Variants in RAP1GDS1 observed in about 807,000 individuals in gnomAD.
RAP1GDS1 encodes the protein RAP1, GTP-GDP dissociation stimulator 1.
In RAP1GDS1, 35 loss-of-function variants were observed where a neutral mutation model predicts 71.1. That is an observed-to-expected ratio of 0.49 (90% confidence interval 0.38 to 0.65). The LOEUF is 0.65. RAP1GDS1 is among the 30% of genes least tolerant of loss of function. The pLI, the probability that RAP1GDS1 is intolerant of heterozygous loss-of-function variation, is 0.00. For synonymous variants in RAP1GDS1, 229 were observed against 243.1 expected (o/e 0.94, Z 0.54); for missense variants, 663 against 706.1 (o/e 0.94, Z 0.69).
chr4:98,412,790 C>A (rs1464062218), intron 7 of RAP1GDS1, among the ~76,000 whole-genome samples: 1 of 152,022 alleles, frequency 6.6e-6, no homozygotes. Flanking sequence ...ATCGGTAGGT[C>A]CGTGATGTCC....
At chr4:98,265,932 C>T (rs1722664900) in intron 1 of RAP1GDS1, among the ~76,000 whole-genome samples, 2 of 151,986 alleles carry the variant, frequency 1.3e-5, no homozygotes, top group African/African-American at 4.8e-5. Flanking sequence ...ATATGGAGGT[C>T]AGTTGTAAAG....
At chr4:98,338,346 G>A (rs1040344034) in intron 2 of RAP1GDS1, among the ~76,000 whole-genome samples, 14 of 152,122 alleles carry the variant, frequency 9.2e-5, no homozygotes, top group Non-Finnish European at 1.6e-4. Context: ...ATACCCAAGT[G>A]CAAATGCTTT....
intron 1 of RAP1GDS1, among the ~76,000 whole-genome samples, chr4:98,283,855 T>C (rs141791713): frequency 9.6e-4 from 144 of 150,002 alleles, no homozygotes; most frequent in Middle Eastern, 3.5e-3. Flanking sequence ...CTAATTCAGA[T>C]ACATAGACAG....
intron 2 of RAP1GDS1, among the ~76,000 whole-genome samples, chr4:98,325,747 G>A (rs1353907033): frequency 1.5e-5 from 2 of 130,880 alleles, no homozygotes; most frequent in Admixed American, 1.8e-4. Context: ...ACAGGAAGGG[G>A]AATATCACAC....
chr4:98,272,151 A>C (rs1723551452), intron 1 of RAP1GDS1, among the ~76,000 whole-genome samples: 1 of 152,218 alleles, frequency 6.6e-6, no homozygotes, highest in Non-Finnish European at 1.5e-5. Flanking sequence ...ATGAGGCGGA[A>C]TCAAAGATAC....
intron 2 of RAP1GDS1, among the ~76,000 whole-genome samples, chr4:98,332,209 A>G (rs564925047): frequency 1.3e-5 from 2 of 152,356 alleles, no homozygotes; most frequent in South Asian, 4.1e-4. Flanking sequence ...GTCTAAGGTT[A>G]TGACTCTACA....
At chr4:98,317,360 C>T (rs1731090509) in intron 2 of RAP1GDS1, among the ~76,000 whole-genome samples, 1 of 152,176 alleles carries the variant, frequency 6.6e-6, no homozygotes, top group Non-Finnish European at 1.5e-5. Flanking sequence ...TTTCCGCACT[C>T]ATGTTAGGCT....
At chr4:98,314,338 T>A (rs1730657524) in intron 2 of RAP1GDS1, among the ~76,000 whole-genome samples, 1 of 152,182 alleles carries the variant, frequency 6.6e-6, no homozygotes, top group South Asian at 2.1e-4. Context: ...AAAACTTCGT[T>A]CTTAACTTCA....
At chr4:98,286,558 A>G (rs917922984) in intron 1 of RAP1GDS1, among the ~76,000 whole-genome samples, 1 of 152,144 alleles carries the variant, frequency 6.6e-6, no homozygotes, top group African/African-American at 2.4e-5. Context: ...GAGTGTTTCT[A>G]TTTCAGACTA....
At chr4:98,310,464 T>C (rs1163007706) in intron 2 of RAP1GDS1, among the ~76,000 whole-genome samples, 1 of 152,118 alleles carries the variant, frequency 6.6e-6, no homozygotes, top group Non-Finnish European at 1.5e-5. Context: ...GGAATAATCA[T>C]AAAATAATGA....
At chr4:98,335,859 T>C (rs1055015839) in intron 2 of RAP1GDS1, among the ~76,000 whole-genome samples, 1 of 151,892 alleles carries the variant, frequency 6.6e-6, no homozygotes, top group African/African-American at 2.4e-5. Flanking sequence ...GAGTAAATTT[T>C]ATATCATACT....
chr4:98,300,132 A>G (rs559581844), intron 2 of RAP1GDS1, among the ~76,000 whole-genome samples: 79 of 152,304 alleles, frequency 5.2e-4, no homozygotes, highest in African/African-American at 1.9e-3. Context: ...GGAAGAGTCA[A>G]TCAGGATGAT....
At chr4:98,363,158 C>T (rs1477179908) in intron 4 of RAP1GDS1, among the ~76,000 whole-genome samples, 1 of 151,780 alleles carries the variant, frequency 6.6e-6, no homozygotes, top group African/African-American at 2.4e-5. Context: ...TGAGAATGAG[C>T]CAGCTAAGAG....
At chr4:98,340,209 C>T (rs991054653) in intron 2 of RAP1GDS1, among the ~76,000 whole-genome samples, 3 of 152,112 alleles carry the variant, frequency 2.0e-5, no homozygotes, top group South Asian at 2.1e-4. Flanking sequence ...AATCATTCTA[C>T]GATAAAGACA....
intron 1 of RAP1GDS1, among the ~76,000 whole-genome samples, chr4:98,276,363 A>G (rs1000472601): frequency 2.0e-5 from 3 of 152,132 alleles, no homozygotes; most frequent in Non-Finnish European, 4.4e-5. Context: ...CTAAAATGTA[A>G]ATCTGATTGT....
rs547430247 is a variant in RAP1GDS1, at chr4:98,309,880, T to C, written c.112+16365T>C. Among the ~76,000 whole-genome samples the C allele has an allele frequency of 2.9e-4, 44 of 150,406 alleles. No individual in the cohort carries two copies. The South Asian group carries it at 9.1e-3, about 31-fold the overall frequency. On this transcript the variant is annotated intron_variant, in intron 2 of 14. Transcript: ENST00000408927. ...AGGTATAATTTTCTAGGGTAATATATGTATATACATATATATATAATGGGT... is the reference window on the plus strand; with the variant it reads ...AGGTATAATTTTCTAGGGTAATATACGTATATACATATATATATAATGGGT...
chr4:98,343,365 A>AT (rs769079450), intron 3 of RAP1GDS1, 104 bp downstream of exon 3: 29 of 1,351,222 alleles, frequency 2.1e-5, no homozygotes, highest in Admixed American at 1.5e-4. Context: ...TAGATTAGAC[A>AT]TTTTTTATTT....
chr4:98,272,486 G>A (rs561780746), intron 1 of RAP1GDS1, among the ~76,000 whole-genome samples: 1 of 152,248 alleles, frequency 6.6e-6, no homozygotes, highest in South Asian at 2.1e-4. Flanking sequence ...AGCTCGGTTC[G>A]TTCAACTTTT....
intron 1 of RAP1GDS1, among the ~76,000 whole-genome samples, chr4:98,270,880 A>G (rs1723357009): frequency 6.6e-6 from 1 of 152,110 alleles, no homozygotes; most frequent in Non-Finnish European, 1.5e-5. Context: ...CTTTATGATG[A>G]CCCACTTCCC....
Sources: gnomAD v4.1 joint callset for allele counts (sites outside exome capture counted in the v4.1 genomes callset) on GRCh38, gnomAD v4.1.1 for gene constraint, MANE v1.5 for transcripts, NCBI Gene and HGNC (gene_info 2026-07-23, HGNC 2026-07-21) for gene names.